Variants in FMNL3 observed in about 807,000 individuals in gnomAD.
FMNL3 encodes the protein formin like 3.
Under a neutral mutation model 119.6 loss-of-function variants are expected in FMNL3, and 57 were observed. That is an observed-to-expected ratio of 0.48 (90% CI 0.39 to 0.59). The LOEUF (loss-of-function observed/expected upper bound fraction) is 0.59. FMNL3 is among the 20% of genes least tolerant of loss of function. FMNL3 has a pLI of 0.00. For missense variants in FMNL3, 1,053 were observed against 1,323.5 expected, an observed-to-expected ratio of 0.80 and a Z score of 3.17; for synonymous variants, 491 against 507.3, an observed-to-expected ratio of 0.97 and a Z score of 0.43.
intron 14 of FMNL3, 92 bp from the exon 15 acceptor site, chr12:49,651,542 T>TA: frequency 9.7e-7 from 1 of 1,034,808 alleles, no homozygotes; most frequent in Non-Finnish European, 1.3e-6. Flanking sequence ...TCTCTGAGAG[T>TA]TAAAAAAAAA....
chr12:49,685,332 C>T (rs547429546), intron 1 of FMNL3, among the ~76,000 whole-genome samples: 7 of 152,192 alleles, frequency 4.6e-5, no homozygotes, highest in South Asian at 4.1e-4. Context: ...CATGGTGGCA[C>T]GCGCCTGTAG....
chr12:49,705,616 C>T (rs762081271), intron 1 of FMNL3, among the ~76,000 whole-genome samples: 4 of 152,172 alleles, frequency 2.6e-5, no homozygotes, highest in African/African-American at 7.2e-5. Flanking sequence ...GTTCTCAAGG[C>T]CACTAAGTCC....
chr12:49,691,854 T>C (rs1944611608), intron 1 of FMNL3, among the ~76,000 whole-genome samples: 1 of 151,714 alleles, frequency 6.6e-6, no homozygotes, highest in Non-Finnish European at 1.5e-5. Flanking sequence ...GCCAACATGG[T>C]GAAACCCCCA....
chr12:49,682,370 C>T (rs1944359043), intron 1 of FMNL3, among the ~76,000 whole-genome samples: 1 of 152,046 alleles, frequency 6.6e-6, no homozygotes, highest in Non-Finnish European at 1.5e-5. Context: ...GTGCCTGGCC[C>T]TCATACTATT....
Position 49,642,265 on chromosome 12 carries a change from G to A in FMNL3, c.*3550C>T. On this transcript the variant is annotated 3_prime_UTR_variant, in exon 26 of 26. Transcript: ENST00000335154. The surrounding 1 kb of genome is among the most constrained non-coding windows in gnomAD (Gnocchi z 5.8). ...GGAGAAAGCAGAGGCACGGGAGAGG[G>A]AGCGGGAGAAGGAGGAGGCACGCAG... 1 of 1,614,208 alleles carries A rather than the reference G, an allele frequency of 6.2e-7. No individual in the cohort carries two copies. The highest frequency in any genetic ancestry group is 8.5e-7 in the Non-Finnish European group (1 of 1,180,030).
chr12:49,648,912 AAAG>A (rs1943301736), intron 21 of FMNL3, 114 bp downstream of exon 21: 1 of 1,450,786 alleles, frequency 6.9e-7, no homozygotes, highest in Non-Finnish European at 9.1e-7. Flanking sequence ...AAGTGGTCAG[AAAG>A]AAGATAACAA....
chr12:49,665,975 C>T, intron 3 of FMNL3, 67 bp from the exon 4 acceptor site: 3 of 1,566,928 alleles, frequency 1.9e-6, no homozygotes, highest in Non-Finnish European at 2.6e-6. Context: ...CCATTACTGG[C>T]CAGCCATTCC....
chr12:49,655,122 A>G (rs1943532111), intron 9 of FMNL3, 138 bp from the exon 10 acceptor site: 5 of 723,774 alleles, frequency 6.9e-6, no homozygotes, highest in Non-Finnish European at 1.1e-5. Flanking sequence ...GAAATAGGCC[A>G]TTCTGGACAC....
chr12:49,673,922 T>G (rs1056615927), intron 1 of FMNL3, among the ~76,000 whole-genome samples: 5 of 152,220 alleles, frequency 3.3e-5, no homozygotes. Context: ...TCAGAGAGTT[T>G]GATCAAAGGT....
Position 49,637,658 on chromosome 12 carries a change from G to A in FMNL3, c.*8157C>T. On this transcript the variant is annotated 3_prime_UTR_variant, in exon 26 of 26. Transcript: ENST00000335154. Reference sequence around the variant, plus strand: ...AGCCTCTCTGCACCCCCTACTACCGGCTCCTGTCCTCGGCCCAGCCCCCAG... The same window carrying A: ...AGCCTCTCTGCACCCCCTACTACCGACTCCTGTCCTCGGCCCAGCCCCCAG... 1 of 1,558,654 alleles carries A rather than the reference G, an allele frequency of 6.4e-7. No individual in the cohort carries two copies. The highest frequency in any genetic ancestry group is 1.1e-5 in the South Asian group (1 of 89,348).
In FMNL3 at chr12:49,640,141, C is replaced by A. The variant is rs1176636731; in HGVS notation, c.*5674G>T. On this transcript the variant is annotated 3_prime_UTR_variant, in exon 26 of 26. Coordinates refer to ENST00000335154, the MANE Select transcript of FMNL3 (RefSeq NM_175736.5). ...CTCTTGCTTTCCACAGCCAGGCAGA[C>A]CATGATGGTGCCTTTCATCCCATAG... is the stretch of plus-strand genomic sequence containing the variant. 1.3e-5 allele frequency: 2 copies of A among 152,236 alleles called. No individual in the cohort carries two copies. Among genetic ancestry groups the A allele is most frequent in the African/African-American group, 4.8e-5 (2 of 41,446 alleles). 9.4% of individuals were successfully genotyped at this position (152,236 alleles called of 1,614,324 possible). A position where few individuals can be genotyped will look rare whatever the true frequency, so the allele number is the denominator to read the frequency against.
Position 49,637,974 on chromosome 12 carries a change from A to G in FMNL3, c.*7841T>C, listed in dbSNP as rs1229093671. The stretch of plus-strand genomic sequence containing the variant: ...ATCCTTTACTGCACACTAGGGATAC[A>G]GTAATGAATACACAATTTCTACCAC... On this transcript the variant is annotated 3_prime_UTR_variant, in exon 26 of 26. Coordinates refer to ENST00000335154, the MANE Select transcript of FMNL3 (RefSeq NM_175736.5). 3 of 626,004 alleles carry G rather than the reference A, an allele frequency of 4.8e-6. No individual in the cohort carries two copies. Among genetic ancestry groups the G allele is most frequent in the Admixed American group, 5.6e-5 (2 of 35,624 alleles). 38.8% of individuals were successfully genotyped at this position (626,004 alleles called of 1,614,324 possible).
intron 1 of FMNL3, among the ~76,000 whole-genome samples, chr12:49,701,468 A>G (rs1291501666): frequency 6.6e-6 from 1 of 152,236 alleles, no homozygotes; most frequent in African/African-American, 2.4e-5. Context: ...TTTCTATCCC[A>G]AGGAAAACTC....
intron 1 of FMNL3, among the ~76,000 whole-genome samples, chr12:49,705,704 G>A (rs768196622): frequency 2.5e-4 from 38 of 152,226 alleles, no homozygotes; most frequent in Non-Finnish European, 5.6e-4. Context: ...CGAGGAGGCT[G>A]GGGGAAATGC....
intron 4 of FMNL3, among the ~76,000 whole-genome samples, chr12:49,662,810 C>A (rs1943773820): frequency 6.6e-6 from 1 of 152,184 alleles, no homozygotes; most frequent in Non-Finnish European, 1.5e-5. Context: ...TTCTTTTGGG[C>A]TGAGATATTC....
chr12:49,652,089 T>G lies in FMNL3; in HGVS notation c.1447A>C (p.Ser483Arg). Residue 483 changes from serine (S) to arginine (R), a missense_variant, in exon 14 of 26, where the codon AGT (serine) becomes CGT (arginine). Transcript: ENST00000335154. ...PNVRGLESVD[S>R]EALARVGPAE... ...GGGCCTACTCTGGCCAGGGCCTCAC[T>G]GTCCACAGACTCCAGGCCCCGGACA... The G allele has an allele frequency of 6.2e-7, 1 of 1,613,048 alleles. No homozygotes were observed. Among genetic ancestry groups the G allele is most frequent in the South Asian group, 1.1e-5 (1 of 90,744 alleles).
intron 1 of FMNL3, among the ~76,000 whole-genome samples, chr12:49,688,249 G>A (rs986169876): frequency 1.3e-5 from 2 of 152,172 alleles, no homozygotes; most frequent in Admixed American, 1.3e-4. Context: ...CACCCTGCAG[G>A]GGACAGTCTA....
At chr12:49,655,898 G>A (rs1264687144) in intron 9 of FMNL3, among the ~76,000 whole-genome samples, 1 of 152,148 alleles carries the variant, frequency 6.6e-6, no homozygotes, top group Non-Finnish European at 1.5e-5. Context: ...GGGGCTGGGG[G>A]AAATTCCACA....
At chr12:49,706,978 C>T (rs1056742940) in intron 1 of FMNL3, 77 bp downstream of exon 1, 132 of 1,485,018 alleles carry the variant, frequency 8.9e-5, no homozygotes, top group Non-Finnish European at 1.1e-4. Flanking sequence ...GGGACGGGGG[C>T]CCAGCACAAA....
Sources: allele counts gnomAD v4.1 joint callset (sites outside exome capture counted in the v4.1 genomes callset), GRCh38; gene constraint gnomAD v4.1.1; non-coding constraint Gnocchi (gnomAD v3.1); transcripts MANE v1.5; gene names NCBI Gene and HGNC (gene_info 2026-07-23, HGNC 2026-07-21).